Variants in ACLY observed in about 807,000 individuals in gnomAD.
The protein encoded by ACLY is ATP-citrate synthase.
Under a neutral mutation model 133.0 loss-of-function variants are expected in ACLY, and 41 were observed. The ratio of observed to expected loss-of-function variants is 0.31; its 90% confidence interval spans 0.24 to 0.40. The LOEUF (loss-of-function observed/expected upper bound fraction) is 0.40, where lower values mean the gene tolerates loss of function less well. Among genes scored for constraint, ACLY ranks in the 10% least tolerant of loss-of-function variants. The probability of loss-of-function intolerance (pLI) is 1.00; values close to 1 mark genes in which losing one functional copy is unlikely to be tolerated. For synonymous variants in ACLY, 495 were observed against 549.3 expected, an observed-to-expected ratio of 0.90 and a Z score of 1.38; for missense variants, 1,046 against 1,453.8, an observed-to-expected ratio of 0.72 and a Z score of 4.56.
Position 41,867,172 on chromosome 17 carries a change from C to T in ACLY, c.*638G>A, listed in dbSNP as rs146150856. On this transcript the variant is annotated 3_prime_UTR_variant, in exon 29 of 29. Coordinates refer to ENST00000352035, the MANE Select transcript of ACLY (RefSeq NM_001096.3). Reference sequence around the variant, plus strand: ...TACAACTTTACATATTAAGTTACTACTCCACATATTTTGTGACAATGGCTA... The same window carrying T: ...TACAACTTTACATATTAAGTTACTATTCCACATATTTTGTGACAATGGCTA... 3.9e-5 allele frequency: 6 copies of T among 152,770 alleles called. No homozygotes were observed. In the South Asian group the frequency reaches 6.2e-4, roughly 16 times the overall value. 9.5% of individuals were successfully genotyped at this position (152,770 alleles called of 1,614,324 possible).
chr17:41,905,266 C>G (rs1043747718), intron 9 of ACLY, among the ~76,000 whole-genome samples: 5 of 152,196 alleles, frequency 3.3e-5, no homozygotes, highest in African/African-American at 4.8e-5. Flanking sequence ...ATGCCACAGC[C>G]ACCTCCTCCC....
chr17:41,892,271 T>G lies in ACLY; in HGVS notation c.1770+8A>C. 6.5e-6 allele frequency: 4 copies of G among 613,344 alleles called. No individual in the cohort carries two copies. Among genetic ancestry groups the G allele is most frequent in the Non-Finnish European group, 9.6e-6 (4 of 417,546 alleles). The allele number at this position is 613,344 out of a possible 1,614,324, so 38.0% of individuals were successfully genotyped here. ...CCACCCCCCACCCTCCAGAGCCCAGTGATCTACCTGGGCATAGTTCATGGT... is the reference window on the plus strand; with the variant it reads ...CCACCCCCCACCCTCCAGAGCCCAGGGATCTACCTGGGCATAGTTCATGGT... On this transcript the variant is annotated splice_region_variant and intron_variant, in intron 16 of 28. Coordinates refer to ENST00000352035, the MANE Select transcript of ACLY (RefSeq NM_001096.3).
intron 1 of ACLY, among the ~76,000 whole-genome samples, chr17:41,927,242 C>T (rs573718772): frequency 6.6e-6 from 1 of 152,318 alleles, no homozygotes; most frequent in East Asian, 1.9e-4. Flanking sequence ...ATATTCCTCA[C>T]CTCCATGAGT....
rs1016756388 is a variant in ACLY, at chr17:41,881,157, C to T, written c.2265+1965G>A. 4.6e-5 allele frequency among the ~76,000 whole-genome samples: 7 copies of T among 151,738 alleles called. 1 individual carries two copies. Among genetic ancestry groups the T allele is most frequent in the Non-Finnish European group, 1.0e-4 (7 of 67,924 alleles). ...AAGAAGAAAGAGAATCGGCTGGGTG[C>T]GGTAACTCACGGCTGTAATCCCAGC... On this transcript the variant is annotated intron_variant, in intron 20 of 28. Coordinates refer to ENST00000352035, the MANE Select transcript of ACLY (RefSeq NM_001096.3).
At chr17:41,896,278 T>C (rs1382823148) in intron 14 of ACLY, among the ~76,000 whole-genome samples, 2 of 152,072 alleles carry the variant, frequency 1.3e-5, no homozygotes, top group African/African-American at 4.8e-5. Flanking sequence ...GTTGGATGGC[T>C]CCCTCCTTCC....
chr17:41,913,996 A>C, intron 1 of ACLY, 100 bp from the exon 2 acceptor site: 1 of 1,161,230 alleles, frequency 8.6e-7, no homozygotes, highest in Non-Finnish European at 1.2e-6. Context: ...CAGACAATAA[A>C]ACCAGATCTC....
intron 1 of ACLY, 55 bp downstream of exon 1, chr17:41,918,825 G>A (rs2050125899): frequency 3.9e-6 from 5 of 1,270,018 alleles, no homozygotes; most frequent in Non-Finnish European, 5.1e-6. Context: ...GACGGAGGCA[G>A]GAAGCTCCTA....
At chr17:41,879,018 T>C in intron 20 of ACLY, 94 bp from the exon 21 acceptor site, 1 of 1,513,696 alleles carries the variant, frequency 6.6e-7, no homozygotes, top group Non-Finnish European at 9.1e-7. Flanking sequence ...CATGAATCAC[T>C]TCATTTAAGC....
At chr17:41,905,407 G>A (rs1555632428) in intron 9 of ACLY, 115 bp downstream of exon 9, 20 of 1,391,532 alleles carry the variant, frequency 1.4e-5, no homozygotes, top group Non-Finnish European at 2.0e-5. Flanking sequence ...TTAGCCTCAA[G>A]TTGCAAAGGA....
chr17:41,895,188 C>T (rs535821623), intron 14 of ACLY, among the ~76,000 whole-genome samples: 25 of 152,336 alleles, frequency 1.6e-4, no homozygotes, highest in African/African-American at 6.0e-4. Context: ...ACTTAAAATG[C>T]AGCTCAACTG....
chr17:41,884,192 C>T lies in ACLY; in HGVS notation c.2154+1G>A. ...TAATTTTTTTTTTTAAAGTAACTCA[C>T]CTCTCCAAGAACCACAATCATTTTG... On this transcript the variant is annotated splice_donor_variant, in intron 19 of 28. Coordinates refer to ENST00000352035, the MANE Select transcript of ACLY (RefSeq NM_001096.3). LOFTEE classifies it high-confidence loss of function. 6.3e-7 allele frequency: 1 copy of T among 1,580,452 alleles called. No individual in the cohort carries two copies. Among genetic ancestry groups the T allele is most frequent in the Non-Finnish European group, 8.7e-7 (1 of 1,150,512 alleles).
In ACLY at chr17:41,874,073, C is replaced by T. The variant is rs542002258; in HGVS notation, c.2488-108G>A. ...CAGAACCAAAGCACCCCAGGAATGTCGTAAACTCTGGCAGCCAAGTAACAA... is the reference window on the plus strand; with the variant it reads ...CAGAACCAAAGCACCCCAGGAATGTTGTAAACTCTGGCAGCCAAGTAACAA... On this transcript the variant is annotated intron_variant, in intron 22 of 28. Coordinates refer to ENST00000352035, the MANE Select transcript of ACLY (RefSeq NM_001096.3). 102 of 1,192,440 alleles carry T rather than the reference C, an allele frequency of 8.6e-5. 1 individual carries two copies. In the African/African-American group the frequency reaches 1.2e-3, roughly 14 times the overall value. 73.9% of individuals were successfully genotyped at this position (1,192,440 alleles called of 1,614,324 possible). A position where few individuals can be genotyped will look rare whatever the true frequency, so the allele number is the denominator to read the frequency against.
At chr17:41,899,996 G>A (rs531656649) in intron 11 of ACLY, among the ~76,000 whole-genome samples, 3 of 149,358 alleles carry the variant, frequency 2.0e-5, no homozygotes, top group African/African-American at 7.4e-5. Context: ...TTGAGTCTGG[G>A]AGGCAGAGGT....
At position 41,904,355 on chromosome 17, in the gene ACLY, AGGAAGGGAAG is replaced by A. The variant is rs72114022; in HGVS notation, c.1065+364_1065+373del. ...AGGGAAGAAGGAAGGGAAGGGAAGA[AGGAAGGGAAG>A]GGAAGGGAAGGGAAGGGAAGGGAAA... is the stretch of plus-strand genomic sequence containing the variant. On this transcript the variant is annotated intron_variant, in intron 10 of 28. Coordinates refer to ENST00000352035, the MANE Select transcript of ACLY (RefSeq NM_001096.3). 8.3e-4 allele frequency: 121 copies of A among 145,162 alleles called. 1 individual carries two copies. Among genetic ancestry groups the A allele is most frequent in the Middle Eastern group, 2.9e-3 (1 of 342 alleles). 9.0% of individuals were successfully genotyped at this position (145,162 alleles called of 1,614,324 possible).
chr17:41,894,132 G>T (rs2049293713), intron 14 of ACLY, among the ~76,000 whole-genome samples: 1 of 150,990 alleles, frequency 6.6e-6, no homozygotes, highest in African/African-American at 2.4e-5. Context: ...AGGGAGAATC[G>T]CTCGAACCCG....
intron 22 of ACLY, among the ~76,000 whole-genome samples, chr17:41,874,916 T>C (rs1555625757): frequency 1.2e-5 from 1 of 85,862 alleles, no homozygotes; most frequent in Admixed American, 1.4e-4. Context: ...ATTCCTTGTG[T>C]TATAGCAAAA....
At position 41,885,175 on chromosome 17, in the gene ACLY, T is replaced by C. The variant is rs1285921757; in HGVS notation, c.2073-901A>G. On this transcript the variant is annotated intron_variant, in intron 18 of 28. Coordinates refer to ENST00000352035, the MANE Select transcript of ACLY (RefSeq NM_001096.3). Reference sequence around the variant, plus strand: ...GATTATAGGCATAAGCCACTGTTCTTGGCCTCTTCATGTCTTTTGATATGA... The same window carrying C: ...GATTATAGGCATAAGCCACTGTTCTCGGCCTCTTCATGTCTTTTGATATGA... 2.0e-5 allele frequency among the ~76,000 whole-genome samples: 3 copies of C among 152,216 alleles called. No individual in the cohort carries two copies. The East Asian group carries it at 5.8e-4, about 29-fold the overall frequency.
chr17:41,913,927 G>C, intron 1 of ACLY, 31 bp from the exon 2 acceptor site: 2 of 1,607,892 alleles, frequency 1.2e-6, no homozygotes, highest in Non-Finnish European at 1.7e-6. Flanking sequence ...GGTCAGAAGG[G>C]GGCAGGCGTG....
intron 10 of ACLY, among the ~76,000 whole-genome samples, chr17:41,902,961 T>A (rs1260982714): frequency 2.0e-5 from 3 of 152,152 alleles, no homozygotes; most frequent in East Asian, 1.9e-4. Flanking sequence ...TAATTTTTTT[T>A]AAATTTTAGT....
Sources: gnomAD v4.1 joint callset for allele counts (sites outside exome capture counted in the v4.1 genomes callset) on GRCh38, gnomAD v4.1.1 for gene constraint, MANE v1.5 for transcripts, NCBI Gene and HGNC (gene_info 2026-07-23, HGNC 2026-07-21) for gene names.